BRCC3: variants seen among roughly 807,000 people sequenced by gnomAD.
BRCC3 encodes BRCA1/BRCA2-containing complex subunit 3.
BRCC3 carries 15 observed loss-of-function variants against 28.0 expected under a neutral mutation model. The observed-to-expected ratio is 0.54, with a 90% confidence interval of 0.36 to 0.82. The LOEUF is 0.82. Among genes scored for constraint, BRCC3 ranks in the 40% least tolerant of loss-of-function variants. BRCC3 has a pLI of 0.01. For missense variants in BRCC3, 109 were observed against 225.9 expected (o/e 0.48, Z 3.32); for synonymous variants, 66 against 80.3 (o/e 0.82, Z 0.95).
At chrX:155,113,035 A>C (rs2074331344) in intron 7 of BRCC3, among the ~76,000 whole-genome samples, 1 of 110,102 alleles carries the variant, frequency 9.1e-6, no homozygotes, top group South Asian at 3.9e-4. Context: ...GGATTGGATA[A>C]ATTAATATTG....
intron 7 of BRCC3, among the ~76,000 whole-genome samples, chrX:155,091,428 C>G (rs1434095610): frequency 1.8e-5 from 2 of 110,334 alleles, no homozygotes; most frequent in East Asian, 5.6e-4. Context: ...TGTACCACCA[C>G]GCGCAGCTAA....
chrX:155,084,148 AC>A (rs1287567568), intron 5 of BRCC3, among the ~76,000 whole-genome samples: 1 of 112,556 alleles, frequency 8.9e-6, no homozygotes, highest in Non-Finnish European at 1.9e-5. Context: ...TATACAGTAC[AC>A]GTTTGCAAAA....
At chrX:155,104,513 A>G (rs1343596355) in intron 7 of BRCC3, among the ~76,000 whole-genome samples, 1 of 112,209 alleles carries the variant, frequency 8.9e-6, no homozygotes, top group East Asian at 2.8e-4. Context: ...AATAGATGCT[A>G]TTCCTGCCCC....
At chrX:155,089,969 G>A (rs1267869154) in intron 6 of BRCC3, among the ~76,000 whole-genome samples, 1 of 112,177 alleles carries the variant, frequency 8.9e-6, no homozygotes, top group African/African-American at 3.2e-5. Context: ...GGTCATGGAG[G>A]TAAGAGTGAA....
chrX:155,105,219 A>T (rs1557297324), intron 7 of BRCC3, among the ~76,000 whole-genome samples: 1 of 112,233 alleles, frequency 8.9e-6, no homozygotes, highest in Non-Finnish European at 1.9e-5. Flanking sequence ...ACAGTGGCTC[A>T]TGTCTGTAAT....
chrX:155,079,255 C>G (rs1244941108), intron 5 of BRCC3, among the ~76,000 whole-genome samples: 1 of 111,538 alleles, frequency 9.0e-6, no homozygotes, highest in Non-Finnish European at 1.9e-5. Flanking sequence ...GTTTTCTTCT[C>G]TAATCCTTGT....
rs2074388345 is a variant in BRCC3, at chrX:155,121,534, C to G, written c.*330C>G. Reference sequence around the variant, plus strand: ...TGGCGAGGAGAAAAAAGAACCTCTACTTAAACCTCACATCTTATATAAAAT... The same window carrying G: ...TGGCGAGGAGAAAAAAGAACCTCTAGTTAAACCTCACATCTTATATAAAAT... On this transcript the variant is annotated 3_prime_UTR_variant, in exon 11 of 11. Transcript: ENST00000330045. The G allele has an allele frequency of 8.9e-6, 1 of 112,122 alleles. No individual in the cohort carries two copies. 9.2% of individuals were successfully genotyped at this position (112,122 alleles called of 1,213,427 possible).
intron 10 of BRCC3, among the ~76,000 whole-genome samples, chrX:155,120,769 A>G (rs2074384383): frequency 8.9e-6 from 1 of 111,791 alleles, no homozygotes; most frequent in African/African-American, 3.3e-5. Context: ...AGCAGATCCT[A>G]TCTGCCTAGG....
intron 5 of BRCC3, among the ~76,000 whole-genome samples, chrX:155,081,510 G>T (rs998957860): frequency 9.0e-6 from 1 of 111,209 alleles, no homozygotes; most frequent in Non-Finnish European, 1.9e-5. Flanking sequence ...GTAAATAAAT[G>T]GGAAAAAAAG....
intron 7 of BRCC3, among the ~76,000 whole-genome samples, chrX:155,105,203 G>A (rs1210471980): frequency 8.9e-6 from 1 of 111,966 alleles, no homozygotes; most frequent in Middle Eastern, 4.2e-3. Flanking sequence ...TTTGTGTTAG[G>A]TGGGCACAGT....
chrX:155,086,420 A>G (rs782145307), intron 5 of BRCC3, among the ~76,000 whole-genome samples: 1 of 111,164 alleles, frequency 9.0e-6, no homozygotes, highest in South Asian at 3.8e-4. Context: ...GCGCCCTCTC[A>G]GGTAACTGCA....
chrX:155,108,520 G>A (rs2074298856), intron 7 of BRCC3, among the ~76,000 whole-genome samples: 1 of 112,135 alleles, frequency 8.9e-6, no homozygotes, highest in Admixed American at 9.4e-5. Context: ...AGTGTATGAA[G>A]GTTTTCACAG....
chrX:155,075,290 T>C lies in BRCC3; in HGVS notation c.195+1859T>C, dbSNP rs372395542. Among the ~76,000 whole-genome samples the C allele has an allele frequency of 1.1e-3, 54 of 49,954 alleles. No homozygotes were observed. In the African/African-American group the frequency reaches 0.032, roughly 30 times the overall value. 43.4% of individuals were successfully genotyped at this position (49,954 alleles called of 115,157 possible). ...ATCTGATAATGCTAAGCCCACTCTT[T>C]CCCCTGGCCCTTCTTGTTCTTCCCC... On this transcript the variant is annotated intron_variant, in intron 3 of 10. Transcript: ENST00000330045.
chrX:155,097,258 A>G (rs1455451003), intron 7 of BRCC3, among the ~76,000 whole-genome samples: 1 of 112,212 alleles, frequency 8.9e-6, no homozygotes. Flanking sequence ...TATATCTGAT[A>G]AAGGGGCTGA....
intron 5 of BRCC3, 89 bp downstream of exon 5, chrX:155,078,792 C>G (rs782682978): frequency 1.7e-6 from 1 of 590,100 alleles, no homozygotes; most frequent in African/African-American, 2.3e-5. Context: ...TTATTTTAAA[C>G]CAAAATTTGA....
At position 155,077,297 on chromosome X, in the gene BRCC3, T is replaced by C. The variant is rs374782533; in HGVS notation, c.315+8T>C. The C allele has an allele frequency of 4.3e-6, 5 of 1,169,985 alleles. No homozygotes were observed. Among genetic ancestry groups the C allele is most frequent in the Non-Finnish European group, 5.8e-6 (5 of 868,962 alleles). The stretch of plus-strand genomic sequence containing the variant: ...GCTTCAACAGAGGCAGAGATATCCT[T>C]ACTGGTCAATAGAAGCTTTTATGTG... On this transcript the variant is annotated splice_region_variant and intron_variant, in intron 4 of 10. Coordinates refer to ENST00000330045, the MANE Select transcript of BRCC3 (RefSeq NM_001018055.3).
intron 7 of BRCC3, among the ~76,000 whole-genome samples, chrX:155,110,035 T>C (rs2074310693): frequency 8.9e-6 from 1 of 111,893 alleles, no homozygotes; most frequent in African/African-American, 3.2e-5. Context: ...GTAAGTCGCA[T>C]GAACTGATTT....
intron 7 of BRCC3, chrX:155,099,379 G>A (rs1557296634): frequency 7.4e-6 from 9 of 1,208,729 alleles, no homozygotes; most frequent in Non-Finnish European, 1.0e-5. Context: ...GGGCCAGAAG[G>A]AAGAGGAAAG....
intron 9 of BRCC3, among the ~76,000 whole-genome samples, chrX:155,118,998 T>G (rs1376027046): frequency 9.0e-6 from 1 of 111,613 alleles, no homozygotes; most frequent in Non-Finnish European, 1.9e-5. Flanking sequence ...TATAAGAATT[T>G]TTTTCAGACT....
Sources: gnomAD v4.1 joint callset for allele counts (sites outside exome capture counted in the v4.1 genomes callset) on GRCh38, gnomAD v4.1.1 for gene constraint, MANE v1.5 for transcripts, NCBI Gene and HGNC (gene_info 2026-07-23, HGNC 2026-07-21) for gene names.